Variants in PPP2R5C observed in about 807,000 individuals in gnomAD.
PPP2R5C encodes protein phosphatase 2 regulatory subunit B'gamma, also known as serine/threonine-protein phosphatase 2A 56 kDa regulatory subunit gamma isoform.
Under a neutral mutation model 68.9 loss-of-function variants are expected in PPP2R5C, and 7 were observed. The ratio of observed to expected loss-of-function variants is 0.10; its 90% CI spans 0.06 to 0.19. The LOEUF is 0.19. PPP2R5C is among the 10% of genes least tolerant of loss of function. The pLI, the probability that PPP2R5C is intolerant of heterozygous loss-of-function variation, is 1.00. For missense variants in PPP2R5C, 348 were observed against 641.3 expected, an observed-to-expected ratio of 0.54 and a Z score of 4.94; for synonymous variants, 210 against 222.2, an observed-to-expected ratio of 0.95 and a Z score of 0.49.
In PPP2R5C at chr14:101,906,227, G is replaced by A. The variant is rs958509666; in HGVS notation, c.1024-175G>A. ...TGTACAAGAAGTTGTCTGCCTCTTT[G>A]TTGAAGGCTCTTCAGGGTTACAGGT... On this transcript the variant is annotated intron_variant, in intron 9 of 13. Transcript: ENST00000334743. The surrounding 1 kb of genome is among the most constrained non-coding windows in gnomAD (Gnocchi z 4.0). 3.3e-5 allele frequency among the ~76,000 whole-genome samples: 5 copies of A among 152,232 alleles called. No individual in the cohort carries two copies. Among genetic ancestry groups the A allele is most frequent in the African/African-American group, 1.2e-4 (5 of 41,462 alleles).
At chr14:101,847,460 C>A (rs1165004789) in intron 1 of PPP2R5C, among the ~76,000 whole-genome samples, 1 of 152,098 alleles carries the variant, frequency 6.6e-6, no homozygotes, top group Admixed American at 6.5e-5. Context: ...AGCTGTGGTT[C>A]CTGTTCTCCC....
At chr14:101,819,072 G>C (rs1469141434) in intron 1 of PPP2R5C, 3 of 1,550,212 alleles carry the variant, frequency 1.9e-6, no homozygotes, top group Non-Finnish European at 2.6e-6. Flanking sequence ...TTTTTGGTGG[G>C]CTTCAAGGAA....
At chr14:101,790,630 G>T (rs1029268856) in intron 3 of PPP2R5C, among the ~76,000 whole-genome samples, 4 of 152,228 alleles carry the variant, frequency 2.6e-5, no homozygotes, top group Non-Finnish European at 5.9e-5. Flanking sequence ...CCGTTCACCA[G>T]TTAATGGACA....
At chr14:101,914,194 A>G (rs1279610105) in intron 12 of PPP2R5C, 8 of 455,954 alleles carry the variant, frequency 1.8e-5, no homozygotes, top group South Asian at 1.2e-4. Flanking sequence ...GGTTCTGCAT[A>G]GGAGCTTTGA....
chr14:101,818,403 A>AGGTGGG (rs1340985739), intron 1 of PPP2R5C: 1 of 152,550 alleles, frequency 6.6e-6, no homozygotes, highest in Non-Finnish European at 1.5e-5. Flanking sequence ...TGGGAGGCCA[A>AGGTGGG]GGTGGGCAGA....
intron 2 of PPP2R5C, among the ~76,000 whole-genome samples, chr14:101,861,209 A>G (rs2042716396): frequency 6.6e-6 from 1 of 152,226 alleles, no homozygotes; most frequent in Admixed American, 6.5e-5. Context: ...TCAAAATCTG[A>G]AACTTTGACA....
rs1253531991 is a variant in PPP2R5C, at chr14:101,916,921, C to T, written c.1327-910C>T. 6.6e-6 allele frequency among the ~76,000 whole-genome samples: 1 copy of T among 152,104 alleles called. No individual in the cohort carries two copies. The highest frequency in any genetic ancestry group is 2.4e-5 in the African/African-American group (1 of 41,398). On this transcript the variant is annotated intron_variant, in intron 12 of 13. Coordinates refer to ENST00000334743, the Ensembl canonical transcript of PPP2R5C. The surrounding 1 kb of genome is among the most constrained non-coding windows in gnomAD (Gnocchi z 5.5). ...CCCCAGCCCCTCCATGTCCCAGTTC[C>T]CCCATCAGCCAGGTGAGGGTGGCAG...
At chr14:101,833,282 C>T (rs974722413) in intron 1 of PPP2R5C, among the ~76,000 whole-genome samples, 5 of 152,184 alleles carry the variant, frequency 3.3e-5, no homozygotes, top group African/African-American at 7.2e-5. Flanking sequence ...TTCACATGGC[C>T]GGTGTCAGGG....
intron 1 of PPP2R5C, among the ~76,000 whole-genome samples, chr14:101,830,106 T>C (rs934334337): frequency 3.2e-4 from 48 of 152,174 alleles, no homozygotes. Context: ...AAGAAAAGCA[T>C]CTATATTCAA....
intron 2 of PPP2R5C, among the ~76,000 whole-genome samples, chr14:101,773,240 G>A (rs914206639): frequency 6.6e-6 from 1 of 152,122 alleles, no homozygotes; most frequent in African/African-American, 2.4e-5. Flanking sequence ...GACATTGGGC[G>A]TGAGAGCGTC....
chr14:101,890,324 G>A, intron 6 of PPP2R5C, 28 bp downstream of exon 8: 1 of 1,596,722 alleles, frequency 6.3e-7, no homozygotes, highest in Non-Finnish European at 8.6e-7. Context: ...GTAGCAAACG[G>A]CTGTAGATGG....
In PPP2R5C at chr14:101,882,527, C is replaced by T. The variant is rs750498210; in HGVS notation, c.405+256C>T. 1.8e-4 allele frequency: 59 copies of T among 322,642 alleles called. No homozygotes were observed. The highest frequency in any genetic ancestry group is 1.1e-3 in the African/African-American group (53 of 46,642). 20.0% of individuals were successfully genotyped at this position (322,642 alleles called of 1,614,324 possible). On this transcript the variant is annotated intron_variant, in intron 3 of 13. Transcript: ENST00000334743. The surrounding 1 kb of genome is among the most constrained non-coding windows in gnomAD (Gnocchi z 4.9). ...TGAAGATGGCCGCTGTGTTGATGGC[C>T]GTTGAATTGAATTCAGGCCCAGAGG...
chr14:101,794,187 T>C (rs2038502658), intron 3 of PPP2R5C, among the ~76,000 whole-genome samples: 1 of 152,200 alleles, frequency 6.6e-6, no homozygotes, highest in Non-Finnish European at 1.5e-5. Context: ...TGCCCAGAAC[T>C]TCCCTGCTTC....
chr14:101,817,854 G>A (rs1057122440), intron 1 of PPP2R5C, among the ~76,000 whole-genome samples: 1 of 152,184 alleles, frequency 6.6e-6, no homozygotes, highest in Non-Finnish European at 1.5e-5. Flanking sequence ...ATGGCGCCTG[G>A]AGTGTCGTGA....
intron 2 of PPP2R5C, among the ~76,000 whole-genome samples, chr14:101,868,739 G>A (rs1464100592): frequency 6.6e-6 from 1 of 152,114 alleles, no homozygotes; most frequent in Non-Finnish European, 1.5e-5. Flanking sequence ...AAGAAGTTTT[G>A]GGAACTTATG....
At chr14:101,884,579 A>G (rs1446246708) in intron 5 of PPP2R5C, among the ~76,000 whole-genome samples, 4 of 152,220 alleles carry the variant, frequency 2.6e-5, no homozygotes, top group Non-Finnish European at 5.9e-5. Context: ...CAGGGGAGGG[A>G]AAGCCCCGCT....
intron 1 of PPP2R5C, among the ~76,000 whole-genome samples, chr14:101,834,248 G>A (rs2040941934): frequency 6.6e-6 from 1 of 152,246 alleles, no homozygotes; most frequent in South Asian, 2.1e-4. Flanking sequence ...ACCCTTGTCT[G>A]CAGAACTGGT....
intron 2 of PPP2R5C, among the ~76,000 whole-genome samples, chr14:101,867,749 G>C (rs1327596770): frequency 6.6e-6 from 1 of 152,124 alleles, no homozygotes; most frequent in African/African-American, 2.4e-5. Context: ...CTGCACTCCA[G>C]CCTGAGCGAC....
At chr14:101,921,687 T>C (rs1207099031) in intron 13 of PPP2R5C, among the ~76,000 whole-genome samples, 1 of 152,212 alleles carries the variant, frequency 6.6e-6, no homozygotes, top group Admixed American at 6.5e-5. Flanking sequence ...GCTAACTTTA[T>C]TTTTCCAAAA....
Sources: gnomAD v4.1 joint callset for allele counts (sites outside exome capture counted in the v4.1 genomes callset) on GRCh38, gnomAD v4.1.1 for gene constraint, Gnocchi (gnomAD v3.1) non-coding constraint, MANE v1.5 for transcripts, NCBI Gene and HGNC (gene_info 2026-07-23, HGNC 2026-07-21) for gene names.